PDE7A: variants seen among roughly 807,000 people sequenced by gnomAD.
The protein encoded by PDE7A is phosphodiesterase 7A, also known as high affinity 3',5'-cyclic-AMP phosphodiesterase 7A.
In PDE7A, 39 loss-of-function variants were observed where a neutral mutation model predicts 64.3. The observed-to-expected ratio is 0.61, with a 90% CI of 0.47 to 0.79. The LOEUF (loss-of-function observed/expected upper bound fraction) is 0.79. Ranked by LOEUF, PDE7A falls within the 30% of genes least tolerant of loss-of-function variation. The pLI is 0.00. For synonymous variants in PDE7A, 203 were observed against 206.8 expected (o/e 0.98, Z 0.16); for missense variants, 470 against 582.8 (o/e 0.81, Z 1.99).
At chr8:65,824,807 A>AT (rs36094671) in intron 1 of PDE7A, among the ~76,000 whole-genome samples, 1 of 152,242 alleles carries the variant, frequency 6.6e-6, no homozygotes, top group Non-Finnish European at 1.5e-5. Flanking sequence ...CAGCGCAAAC[A>AT]TAACTTTTAT....
chr8:65,778,817 A>G (rs1809328439), intron 3 of PDE7A, among the ~76,000 whole-genome samples: 1 of 152,246 alleles, frequency 6.6e-6, no homozygotes, highest in Admixed American at 6.5e-5. Context: ...ACATTAATGT[A>G]TTCGGTGAGT....
intron 5 of PDE7A, among the ~76,000 whole-genome samples, chr8:65,744,088 C>T (rs894835561): frequency 2.0e-5 from 3 of 152,222 alleles, no homozygotes; most frequent in African/African-American, 7.2e-5. Flanking sequence ...CAGCCTTGGC[C>T]TGCCAAAGTG....
chr8:65,779,703 T>G lies in PDE7A; in HGVS notation c.283+17A>C. ...TGTAGTGAAAATCCGAGAAACTTCA[T>G]GTCTACCAACACTTACAGTGGAAAA... On this transcript the variant is annotated intron_variant, in intron 3 of 12. Transcript: ENST00000401827. 1 of 1,316,956 alleles carries G rather than the reference T, an allele frequency of 7.6e-7. No individual in the cohort carries two copies. Among genetic ancestry groups the G allele is most frequent in the Non-Finnish European group, 1.1e-6 (1 of 932,408 alleles). 81.6% of individuals were successfully genotyped at this position (1,316,956 alleles called of 1,614,324 possible). A position where few individuals can be genotyped will look rare whatever the true frequency, so the allele number is the denominator to read the frequency against.
intron 4 of PDE7A, among the ~76,000 whole-genome samples, chr8:65,747,115 ATC>A (rs1157376777): frequency 1.3e-5 from 2 of 152,136 alleles, no homozygotes; most frequent in African/African-American, 4.8e-5. Flanking sequence ...ACCCTCAAAA[ATC>A]TCTCTCAATG....
intron 1 of PDE7A, among the ~76,000 whole-genome samples, chr8:65,830,140 T>G (rs554454389): frequency 6.6e-6 from 1 of 152,278 alleles, no homozygotes; most frequent in East Asian, 1.9e-4. Context: ...TGTCGAGTAC[T>G]GTCTTTGGGC....
chr8:65,762,610 A>C (rs942792321), intron 3 of PDE7A, among the ~76,000 whole-genome samples: 1 of 152,220 alleles, frequency 6.6e-6, no homozygotes, highest in Non-Finnish European at 1.5e-5. Context: ...AAATGAGATA[A>C]TATATGCAGT....
At chr8:65,810,891 C>G (rs1299450048) in intron 1 of PDE7A, among the ~76,000 whole-genome samples, 2 of 152,016 alleles carry the variant, frequency 1.3e-5, no homozygotes, top group Admixed American at 1.3e-4. Flanking sequence ...AAACAATAAA[C>G]TTAATATACA....
intron 1 of PDE7A, among the ~76,000 whole-genome samples, chr8:65,818,032 A>G (rs987068614): frequency 6.6e-5 from 10 of 152,142 alleles, no homozygotes; most frequent in Admixed American, 2.0e-4. Flanking sequence ...GATTACAGGC[A>G]TGAGCCACCA....
chr8:65,780,691 G>C (rs574576737), intron 2 of PDE7A, among the ~76,000 whole-genome samples: 1 of 152,284 alleles, frequency 6.6e-6, no homozygotes, highest in Admixed American at 6.5e-5. Flanking sequence ...TAGTACAAAG[G>C]GTAAGTCAGG....
intron 3 of PDE7A, among the ~76,000 whole-genome samples, chr8:65,770,216 G>A (rs1206976692): frequency 6.6e-6 from 1 of 150,758 alleles, no homozygotes; most frequent in African/African-American, 2.4e-5. Context: ...AAGCACTCTA[G>A]TCCTTCACCT....
chr8:65,818,385 A>G (rs1253793205), intron 1 of PDE7A, among the ~76,000 whole-genome samples: 1 of 152,192 alleles, frequency 6.6e-6, no homozygotes, highest in African/African-American at 2.4e-5. Flanking sequence ...ATCAAGACAA[A>G]TATGTGGAAT....
intron 6 of PDE7A, among the ~76,000 whole-genome samples, chr8:65,736,670 G>A (rs1807141156): frequency 6.6e-6 from 1 of 151,972 alleles, no homozygotes; most frequent in African/African-American, 2.4e-5. Context: ...AGGATCGCAT[G>A]AGCCGAGAGG....
At chr8:65,836,746 C>G (rs1810960637) in intron 1 of PDE7A, among the ~76,000 whole-genome samples, 1 of 152,214 alleles carries the variant, frequency 6.6e-6, no homozygotes, top group Non-Finnish European at 1.5e-5. Context: ...TTAAATAAAA[C>G]TGAAGTAAAA....
chr8:65,764,389 G>C (rs902656146), intron 3 of PDE7A, among the ~76,000 whole-genome samples: 1 of 152,220 alleles, frequency 6.6e-6, no homozygotes. Flanking sequence ...GTCTGAATGA[G>C]AGACTAAATT....
At chr8:65,830,271 G>A (rs767456849) in intron 1 of PDE7A, among the ~76,000 whole-genome samples, 2 of 151,534 alleles carry the variant, frequency 1.3e-5, no homozygotes, top group Non-Finnish European at 2.9e-5. Flanking sequence ...TAAGTTCAGG[G>A]TTCTTTTTCA....
chr8:65,825,372 A>G (rs1362879233), intron 1 of PDE7A, among the ~76,000 whole-genome samples: 1 of 152,200 alleles, frequency 6.6e-6, no homozygotes, highest in Non-Finnish European at 1.5e-5. Flanking sequence ...CAGGGCTCCT[A>G]TTCTAATTCT....
intron 1 of PDE7A, among the ~76,000 whole-genome samples, chr8:65,804,540 C>CTTTTT (rs762379703): frequency 8.8e-6 from 1 of 113,044 alleles, no homozygotes; most frequent in Non-Finnish European, 2.0e-5. Flanking sequence ...CATTTTGTTG[C>CTTTTT]TTTTTTTTTT....
intron 5 of PDE7A, among the ~76,000 whole-genome samples, chr8:65,740,381 A>G (rs1241605041): frequency 6.6e-6 from 1 of 152,042 alleles, no homozygotes; most frequent in Non-Finnish European, 1.5e-5. Context: ...TGTCACAGAA[A>G]TAATACAAGC....
intron 10 of PDE7A, among the ~76,000 whole-genome samples, 168 bp downstream of exon 10, chr8:65,724,609 A>AT (rs1806531093): frequency 6.6e-6 from 1 of 152,198 alleles, no homozygotes; most frequent in Non-Finnish European, 1.5e-5. Flanking sequence ...TAGGTAGCAG[A>AT]TTCACCAGTG....
Sources: allele counts gnomAD v4.1 joint callset (sites outside exome capture counted in the v4.1 genomes callset), GRCh38; gene constraint gnomAD v4.1.1; transcripts MANE v1.5; gene names NCBI Gene and HGNC (gene_info 2026-07-23, HGNC 2026-07-21).